Variants in ANK2 observed in about 807,000 individuals in gnomAD.
ANK2 encodes the protein ankyrin-2.
Under a neutral mutation model 360.5 loss-of-function variants are expected in ANK2, and 83 were observed. The observed-to-expected ratio is 0.23, with a 90% CI of 0.19 to 0.28. ANK2 has a LOEUF of 0.28. ANK2 is among the 10% of genes least tolerant of loss of function. The pLI is 1.00. For synonymous variants in ANK2, 1,740 were observed against 1,759.5 expected (o/e 0.99, Z 0.28); for missense variants, 4,201 against 4,795.7 (o/e 0.88, Z 3.66).
chr4:112,707,753 T>C, the ANK2 span, among the ~76,000 whole-genome samples: 1 of 152,238 alleles, frequency 6.6e-6, no homozygotes, highest in Non-Finnish European at 1.5e-5. Context: ...TATGAAATCT[T>C]ATTCTGTAAA....
chr4:112,824,394 G>GT (rs1560672465), intron 1 of ANK2, among the ~76,000 whole-genome samples: 1 of 151,964 alleles, frequency 6.6e-6, no homozygotes. Context: ...TGGAGACAGT[G>GT]TGTTGTTCTG....
intron 1 of ANK2, among the ~76,000 whole-genome samples, chr4:113,134,116 G>T (rs1019586899): frequency 6.6e-6 from 1 of 151,848 alleles, no homozygotes; most frequent in African/African-American, 2.4e-5. Context: ...GATCAAAATA[G>T]CATCAAGGCC....
Position 113,052,259 on chromosome 4 carries a change from A to C in ANK2, c.84+2447A>C, listed in dbSNP as rs193209225. On this transcript the variant is annotated intron_variant, in intron 1 of 45. Coordinates refer to ENST00000357077, the MANE Select transcript of ANK2 (RefSeq NM_001148.6). The stretch of plus-strand genomic sequence containing the variant: ...TAATAAGCATAAAAGCTGAGAAAGC[A>C]AAAATTGGAGTAAAGTCAATGTCAC... Among the ~76,000 whole-genome samples the C allele has an allele frequency of 3.3e-5, 5 of 152,334 alleles. No homozygotes were observed. In the East Asian group the frequency reaches 9.7e-4, roughly 29 times the overall value.
At chr4:113,360,323 C>A (rs2096123707) in intron 38 of ANK2, among the ~76,000 whole-genome samples, 1 of 152,140 alleles carries the variant, frequency 6.6e-6, no homozygotes, top group Non-Finnish European at 1.5e-5. Context: ...TGTTTCTGGC[C>A]ACACTAATCA....
chr4:113,372,551 G>A, intron 43 of ANK2: 2 of 1,535,274 alleles, frequency 1.3e-6, no homozygotes, highest in Non-Finnish European at 1.7e-6. Flanking sequence ...AGAGGAATTA[G>A]GGGAGCTGGA....
intron 2 of ANK2, among the ~76,000 whole-genome samples, chr4:112,905,825 C>T (rs2084998817): frequency 1.3e-5 from 2 of 152,002 alleles, no homozygotes. Flanking sequence ...CCATGCCCGA[C>T]TAATTTTTGA....
chr4:113,238,556 C>T (rs545760126), intron 7 of ANK2, among the ~76,000 whole-genome samples: 3 of 152,260 alleles, frequency 2.0e-5, no homozygotes, highest in South Asian at 4.1e-4. Context: ...CAACTGGAAC[C>T]GTACAAATTG....
intron 1 of ANK2, among the ~76,000 whole-genome samples, chr4:112,883,789 G>A (rs1463268729): frequency 3.3e-4 from 50 of 149,884 alleles, no homozygotes; most frequent in Non-Finnish European, 3.0e-5. Context: ...TGAATGAAAT[G>A]GTAAATAAAT....
the ANK2 span, among the ~76,000 whole-genome samples, chr4:112,807,555 A>G: frequency 1.3e-5 from 2 of 152,230 alleles, no homozygotes; most frequent in Admixed American, 1.3e-4. Flanking sequence ...ATTTTGATGT[A>G]TACTTAGGTT....
At chr4:112,835,666 G>A (rs2060838254) in intron 1 of ANK2, among the ~76,000 whole-genome samples, 1 of 151,912 alleles carries the variant, frequency 6.6e-6, no homozygotes, top group Non-Finnish European at 1.5e-5. Context: ...TTCATATACT[G>A]AGAATAATAA....
intron 1 of ANK2, among the ~76,000 whole-genome samples, chr4:113,155,613 A>G (rs1399614221): frequency 1.3e-5 from 2 of 152,148 alleles, no homozygotes; most frequent in East Asian, 3.8e-4. Flanking sequence ...TAATAAATCT[A>G]TAAGAAAATG....
chr4:112,920,798 T>C (rs1408237873), intron 2 of ANK2, among the ~76,000 whole-genome samples: 2 of 152,132 alleles, frequency 1.3e-5, no homozygotes, highest in Non-Finnish European at 2.9e-5. Context: ...CTATACCATA[T>C]GGCACATACA....
At chr4:112,842,305 C>T (rs1329981027) in intron 1 of ANK2, among the ~76,000 whole-genome samples, 5 of 152,176 alleles carry the variant, frequency 3.3e-5, no homozygotes, top group African/African-American at 4.8e-5. Flanking sequence ...CTACCACGCC[C>T]GGCCCAAATT....
chr4:112,829,114 C>T (rs1455045824), intron 1 of ANK2, among the ~76,000 whole-genome samples: 2 of 152,162 alleles, frequency 1.3e-5, no homozygotes, highest in Non-Finnish European at 1.5e-5. Context: ...GATGATGCCA[C>T]TGCATTCCAG....
intron 4 of ANK2, among the ~76,000 whole-genome samples, chr4:113,210,949 T>C (rs1029571118): frequency 6.6e-6 from 1 of 152,152 alleles, no homozygotes; most frequent in Non-Finnish European, 1.5e-5. Flanking sequence ...ATTCAAATAA[T>C]TCAAATCTAA....
chr4:113,073,908 C>G (rs1472594732), intron 1 of ANK2, among the ~76,000 whole-genome samples: 1 of 152,148 alleles, frequency 6.6e-6, no homozygotes. Flanking sequence ...AGTATGTTTG[C>G]TGCTGAAAAT....
the ANK2 span, among the ~76,000 whole-genome samples, chr4:112,729,866 A>G: frequency 6.6e-5 from 10 of 152,164 alleles, no homozygotes; most frequent in Non-Finnish European, 1.3e-4. Flanking sequence ...AAATGAACTT[A>G]GAGGGTACTA....
chr4:113,271,479 GACACACACACACAC>G (rs3059950), intron 14 of ANK2, among the ~76,000 whole-genome samples: 1 of 150,318 alleles, frequency 6.7e-6, no homozygotes, highest in Non-Finnish European at 1.5e-5. Context: ...TGCACGCACA[GACACACACACACAC>G]ACACACACAC....
chr4:112,816,637 C>T (rs1026169528), upstream of ANK2, among the ~76,000 whole-genome samples: 2 of 152,056 alleles, frequency 1.3e-5, no homozygotes, highest in African/African-American at 4.8e-5. Context: ...CAAGGGTTTG[C>T]ATATTTTGTG....
Sources: allele counts gnomAD v4.1 joint callset (sites outside exome capture counted in the v4.1 genomes callset), GRCh38; gene constraint gnomAD v4.1.1; transcripts MANE v1.5; gene names NCBI Gene and HGNC (gene_info 2026-07-23, HGNC 2026-07-21).